RBFOX1: variants seen among roughly 807,000 people sequenced by gnomAD.
RBFOX1 encodes the protein RNA binding fox-1 homolog 1, also known as RNA binding protein fox-1 homolog 1.
Under a neutral mutation model 57.7 loss-of-function variants are expected in RBFOX1, and 8 were observed. The ratio of observed to expected loss-of-function variants is 0.14; its 90% CI spans 0.08 to 0.25. The LOEUF (loss-of-function observed/expected upper bound fraction) is 0.25. RBFOX1 is among the 10% of genes least tolerant of loss of function. The pLI is 1.00. For synonymous variants in RBFOX1, 326 were observed against 222.4 expected (o/e 1.47, Z -4.15); for missense variants, 611 against 548.5 (o/e 1.11, Z -1.14).
At chr16:5,291,609 G>A (rs1001946028) in intron 1 of RBFOX1, among the ~76,000 whole-genome samples, 6 of 152,236 alleles carry the variant, frequency 3.9e-5, no homozygotes, top group Admixed American at 3.9e-4. Flanking sequence ...GTCATTGAAA[G>A]TGAGTGATCT....
intron 1 of RBFOX1, chr16:6,038,186 T>G (rs567185247): frequency 5.9e-4 from 89 of 150,288 alleles, no homozygotes; most frequent in African/African-American, 2.2e-3. Context: ...TTTATTAGTT[T>G]TTTTTTTTTG....
At chr16:6,036,198 C>T (rs752864394) in intron 1 of RBFOX1, among the ~76,000 whole-genome samples, 20 of 152,168 alleles carry the variant, frequency 1.3e-4, no homozygotes, top group Non-Finnish European at 2.5e-4. Flanking sequence ...GTTACTGGAA[C>T]TGTGTCACTT....
intron 4 of RBFOX1, among the ~76,000 whole-genome samples, chr16:7,484,401 C>A (rs2064835656): frequency 6.6e-6 from 1 of 152,066 alleles, no homozygotes; most frequent in African/African-American, 2.4e-5. Context: ...TTCTAGGATA[C>A]CATTATTGTT....
At chr16:6,633,116 C>T (rs996618322) in intron 2 of RBFOX1, among the ~76,000 whole-genome samples, 1 of 152,132 alleles carries the variant, frequency 6.6e-6, no homozygotes, top group African/African-American at 2.4e-5. Context: ...AGCGATTGTG[C>T]CCACTTCACA....
intron 3 of RBFOX1, among the ~76,000 whole-genome samples, chr16:5,832,782 G>C (rs569002629): frequency 6.6e-6 from 1 of 152,310 alleles, no homozygotes; most frequent in Non-Finnish European, 1.5e-5. Flanking sequence ...AGGAACCAAA[G>C]ATGTTCTGGA....
At chr16:7,420,083 G>T (rs1377147783) in intron 4 of RBFOX1, among the ~76,000 whole-genome samples, 1 of 152,026 alleles carries the variant, frequency 6.6e-6, no homozygotes, top group Non-Finnish European at 1.5e-5. Context: ...GGGTACATTT[G>T]TTGTCAGCCT....
intron 1 of RBFOX1, among the ~76,000 whole-genome samples, chr16:6,126,535 G>A (rs921845492): frequency 1.3e-5 from 2 of 152,174 alleles, no homozygotes; most frequent in African/African-American, 4.8e-5. Flanking sequence ...ATAGTACATG[G>A]TAAAGTCAAG....
At position 7,567,315 on chromosome 16, in the gene RBFOX1, A is replaced by C. The variant is rs1487899325; in HGVS notation, c.271-12462A>C. Among the ~76,000 whole-genome samples the C allele has an allele frequency of 1.1e-4, 12 of 110,322 alleles. 5 individuals carry two copies. The highest frequency in any genetic ancestry group is 2.7e-4 in the African/African-American group (8 of 29,582). 72.4% of individuals were successfully genotyped at this position (110,322 alleles called of 152,430 possible). On this transcript the variant is annotated intron_variant, in intron 5 of 15. Coordinates refer to ENST00000550418, the MANE Select transcript of RBFOX1 (RefSeq NM_018723.4). Reference sequence around the variant, plus strand: ...CTTATATATGGCCCTATATATATATATATATATCTCCCTATATATGGCCCT... The same window carrying C: ...CTTATATATGGCCCTATATATATATCTATATATCTCCCTATATATGGCCCT...
At chr16:7,335,980 C>G (rs946392845) in intron 4 of RBFOX1, among the ~76,000 whole-genome samples, 1 of 152,194 alleles carries the variant, frequency 6.6e-6, no homozygotes, top group Non-Finnish European at 1.5e-5. Context: ...GAGTAGTATT[C>G]CCAAGTGCAT....
At chr16:7,142,542 G>A (rs1348946870) in intron 4 of RBFOX1, among the ~76,000 whole-genome samples, 1 of 152,118 alleles carries the variant, frequency 6.6e-6, no homozygotes, top group Non-Finnish European at 1.5e-5. Context: ...TCTCCGCATG[G>A]CCGGCTCTTT....
At chr16:5,978,838 TCTC>T (rs1037158811) in intron 4 of RBFOX1, among the ~76,000 whole-genome samples, 7 of 151,606 alleles carry the variant, frequency 4.6e-5, no homozygotes, top group Non-Finnish European at 7.4e-5. Flanking sequence ...GAAATGCTCT[TCTC>T]ATCATATAGC....
At chr16:5,277,945 T>C (rs1320296347) in intron 1 of RBFOX1, among the ~76,000 whole-genome samples, 1 of 152,206 alleles carries the variant, frequency 6.6e-6, no homozygotes. Flanking sequence ...TTGTAAATAG[T>C]GCTGCAGTAA....
At chr16:7,279,703 T>G (rs1403566829) in intron 4 of RBFOX1, among the ~76,000 whole-genome samples, 1 of 152,228 alleles carries the variant, frequency 6.6e-6, no homozygotes, top group African/African-American at 2.4e-5. Flanking sequence ...AGACCAGGCA[T>G]AATGGGCGAC....
chr16:7,117,633 G>A (rs900402083), intron 4 of RBFOX1, among the ~76,000 whole-genome samples: 14 of 152,174 alleles, frequency 9.2e-5, no homozygotes, highest in African/African-American at 3.1e-4. Context: ...GAAGAATCAG[G>A]TTAGGTTTTT....
chr16:6,118,780 C>CCTCTCTTTCTCT (rs1168519564), intron 1 of RBFOX1, among the ~76,000 whole-genome samples: 1 of 147,586 alleles, frequency 6.8e-6, no homozygotes, highest in Non-Finnish European at 1.5e-5. Flanking sequence ...TCTCTTTCTC[C>CCTCTCTTTCTCT]CTCTCTTTCT....
At chr16:6,489,025 C>CT (rs1161470054) in intron 2 of RBFOX1, among the ~76,000 whole-genome samples, 1 of 152,168 alleles carries the variant, frequency 6.6e-6, no homozygotes, top group Non-Finnish European at 1.5e-5. Context: ...CCCTTACAGT[C>CT]TGACACTAAA....
intron 4 of RBFOX1, among the ~76,000 whole-genome samples, chr16:7,076,885 T>C (rs1048617701): frequency 6.6e-6 from 1 of 152,230 alleles, no homozygotes; most frequent in Admixed American, 6.5e-5. Flanking sequence ...TGGAGACCAG[T>C]GAACAGACTG....
chr16:5,547,957 C>G lies in RBFOX1; in HGVS notation c.259-50945C>G, dbSNP rs1196214963. ...GGCAGATCCCCTGAGGTCAGGAGTT[C>G]CAGATCAGCCTGGCCAACATGGTGA... On this transcript the variant is annotated intron_variant, in intron 2 of 2. Coordinates refer to the RBFOX1 transcript ENST00000585867. Among the ~76,000 whole-genome samples, 5 of 151,542 alleles carry G rather than the reference C, an allele frequency of 3.3e-5. No individual in the cohort carries two copies. The South Asian group carries it at 6.2e-4, about 19-fold the overall frequency.
chr16:7,141,364 G>A (rs2073737769), intron 4 of RBFOX1, among the ~76,000 whole-genome samples: 1 of 152,114 alleles, frequency 6.6e-6, no homozygotes, highest in African/African-American at 2.4e-5. Context: ...AAGACAGATA[G>A]GACCCCTTCT....
Sources: gnomAD v4.1 joint callset for allele counts (sites outside exome capture counted in the v4.1 genomes callset) on GRCh38, gnomAD v4.1.1 for gene constraint, MANE v1.5 for transcripts, NCBI Gene and HGNC (gene_info 2026-07-23, HGNC 2026-07-21) for gene names.